Variants in IGF2BP1 observed in about 807,000 individuals in gnomAD.
IGF2BP1 encodes insulin like growth factor 2 mRNA binding protein 1.
In IGF2BP1, 11 loss-of-function variants were observed where a neutral mutation model predicts 74.9. That is an observed-to-expected ratio of 0.15 (90% CI 0.09 to 0.24). IGF2BP1 has a LOEUF of 0.24. IGF2BP1 is among the 10% of genes least tolerant of loss of function. The pLI is 1.00. For synonymous variants in IGF2BP1, 287 were observed against 281.8 expected (o/e 1.02, Z -0.18); for missense variants, 440 against 757.4 (o/e 0.58, Z 4.92).
chr17:49,041,630 G>A, intron 8 of IGF2BP1, 130 bp downstream of exon 8: 1 of 1,236,648 alleles, frequency 8.1e-7, no homozygotes, highest in Non-Finnish European at 1.1e-6. Context: ...AAGAAAAACA[G>A]TCGAAGTGGT....
intron 2 of IGF2BP1, among the ~76,000 whole-genome samples, chr17:49,000,826 C>T (rs2041480306): frequency 1.3e-5 from 2 of 151,656 alleles, no homozygotes; most frequent in South Asian, 4.2e-4. Context: ...AATCTTTTTC[C>T]CCAAGCCATC....
intron 2 of IGF2BP1, chr17:49,004,995 T>C (rs2041532977): frequency 6.6e-6 from 1 of 152,200 alleles, no homozygotes; most frequent in Admixed American, 6.5e-5. Context: ...TTCATTCTAC[T>C]AGGAGAACTT....
chr17:49,019,925 TA>T (rs2041760896), intron 2 of IGF2BP1, among the ~76,000 whole-genome samples: 1 of 60,628 alleles, frequency 1.6e-5, no homozygotes, highest in Non-Finnish European at 3.1e-5. Flanking sequence ...TATATATATA[TA>T]TATATATATA....
At chr17:49,026,261 T>C in intron 3 of IGF2BP1, 1 of 499,622 alleles carries the variant, frequency 2.0e-6, no homozygotes, top group East Asian at 3.2e-5. Flanking sequence ...AAAAGGCCCT[T>C]AAGGCAGAAC....
rs554854223 is a variant in IGF2BP1 at position 49,052,297 on chromosome 17, T to G, written c.*2853T>G. The G allele has an allele frequency of 6.6e-6, 1 of 152,170 alleles. No homozygotes were observed. The highest frequency in any genetic ancestry group is 6.5e-5 in the Admixed American group (1 of 15,270). 9.4% of individuals were successfully genotyped at this position (152,170 alleles called of 1,614,324 possible). The stretch of plus-strand genomic sequence containing the variant: ...TTCAGACGTCGGCCATTTAGTAATT[T>G]AAAGCGAATTTCCAGCAGCAAGCAT... On this transcript the variant is annotated 3_prime_UTR_variant, in exon 15 of 15. Transcript: ENST00000290341.
rs1449612608 is a variant in IGF2BP1 at position 49,039,434 on chromosome 17, A to C, written c.684-523A>C. On this transcript the variant is annotated intron_variant, in intron 6 of 14. Coordinates refer to ENST00000290341, the MANE Select transcript of IGF2BP1 (RefSeq NM_006546.4). ...ACTGCTTGCTTATTTATTTATTTTTATTTTATTTTTTGAGGCAGAGTCTCA... is the reference window on the plus strand; with the variant it reads ...ACTGCTTGCTTATTTATTTATTTTTCTTTTATTTTTTGAGGCAGAGTCTCA... Among the ~76,000 whole-genome samples, 5 of 150,980 alleles carry C rather than the reference A, an allele frequency of 3.3e-5. No individual in the cohort carries two copies. In the East Asian group the frequency reaches 9.8e-4, roughly 30 times the overall value.
chr17:49,010,451 G>A (rs1404837111), intron 2 of IGF2BP1, among the ~76,000 whole-genome samples: 1 of 151,358 alleles, frequency 6.6e-6, no homozygotes, highest in Non-Finnish European at 1.5e-5. Flanking sequence ...CCGAGAAGCT[G>A]GGACTACAGG....
At chr17:49,036,626 C>G (rs948762043) in intron 5 of IGF2BP1, 1 of 152,072 alleles carries the variant, frequency 6.6e-6, no homozygotes, top group Non-Finnish European at 1.5e-5. Flanking sequence ...AATTTAACAA[C>G]TCTCTGATGG....
At chr17:49,037,479 T>C (rs2042003583) in intron 5 of IGF2BP1, 1 of 240,436 alleles carries the variant, frequency 4.2e-6, no homozygotes. Flanking sequence ...TTCATGGAAG[T>C]CATTTATAGT....
chr17:49,033,465 C>T (rs955633115), intron 5 of IGF2BP1, among the ~76,000 whole-genome samples: 2 of 151,922 alleles, frequency 1.3e-5, no homozygotes, highest in African/African-American at 2.4e-5. Context: ...CCTCAGTCTC[C>T]TGAGTAGCTG....
intron 6 of IGF2BP1, among the ~76,000 whole-genome samples, chr17:49,038,878 T>C (rs868629079): frequency 0.17 from 24,338 of 142,726 alleles, 2,593 homozygotes; most frequent in African/African-American, 0.23. Context: ...TCTTTAATAT[T>C]TTTTTTTTTT....
Position 49,038,431 on chromosome 17 carries a change from CA to C in IGF2BP1, c.669del (p.Lys223AsnfsTer7). On this transcript the variant is annotated frameshift_variant, in exon 6 of 15. Coordinates refer to ENST00000290341, the MANE Select transcript of IGF2BP1 (RefSeq NM_006546.4). LOFTEE classifies it high-confidence loss of function. Reference sequence around the variant, plus strand: ...GAGGGGGCCACCATCCGCAACATCACAAAACAGACCCAGTCCAAGTGAGTCT... The same window carrying C: ...GAGGGGGCCACCATCCGCAACATCACAAACAGACCCAGTCCAAGTGAGTCT... ...GKEGATIRNI[T>X]KQTQSKIDVH... 1.3e-6 allele frequency: 2 copies of C among 1,545,990 alleles called. No homozygotes were observed. The highest frequency in any genetic ancestry group is 2.4e-5 in the East Asian group (1 of 42,294).
intron 5 of IGF2BP1, 33 bp downstream of exon 5, chr17:49,032,006 TG>T (rs34685424): frequency 0.27 from 227,951 of 857,994 alleles, 22,709 homozygotes; most frequent in African/African-American, 0.39. Flanking sequence ...CTGGGTGCGG[TG>T]GGGGGGGGTT....
At chr17:49,040,738 C>T (rs571779818) in intron 7 of IGF2BP1, among the ~76,000 whole-genome samples, 6 of 152,234 alleles carry the variant, frequency 3.9e-5, no homozygotes, top group South Asian at 4.2e-4. Flanking sequence ...ATGGACAGAC[C>T]GCATTATTTT....
intron 2 of IGF2BP1, chr17:49,018,005 C>T (rs1249880457): frequency 1.3e-5 from 2 of 152,206 alleles, no homozygotes; most frequent in African/African-American, 4.8e-5. Flanking sequence ...TCAGGTGATC[C>T]ACCCACCTCG....
chr17:49,012,044 T>TA lies in IGF2BP1; in HGVS notation c.236+12876dup, dbSNP rs1555596146. 5.3e-5 allele frequency among the ~76,000 whole-genome samples: 8 copies of TA among 151,994 alleles called. No homozygotes were observed. In the East Asian group the frequency reaches 5.8e-4, roughly 11 times the overall value. ...CTCCTGCCTTAGCCTCCTGAGTAGA[T>TA]ACAGGCATGTGCCACCACACCTGGC... On this transcript the variant is annotated intron_variant, in intron 2 of 14. Transcript: ENST00000290341.
At chr17:49,041,872 C>T (rs1236640512) in intron 8 of IGF2BP1, among the ~76,000 whole-genome samples, 2 of 152,174 alleles carry the variant, frequency 1.3e-5, no homozygotes, top group African/African-American at 2.4e-5. Context: ...GTGGGCTGCT[C>T]CTGCAAGCAG....
At chr17:49,002,343 T>C (rs1362424071) in intron 2 of IGF2BP1, among the ~76,000 whole-genome samples, 5 of 152,156 alleles carry the variant, frequency 3.3e-5, no homozygotes, top group African/African-American at 7.2e-5. Context: ...ATTTTAACAA[T>C]GATTTGTTGA....
intron 8 of IGF2BP1, 144 bp downstream of exon 8, chr17:49,041,644 G>A (rs1460824432): frequency 1.7e-6 from 2 of 1,151,238 alleles, no homozygotes; most frequent in Non-Finnish European, 2.5e-6. Context: ...AAGTGGTAAA[G>A]AGCATTTAAA....
Sources: allele counts gnomAD v4.1 joint callset (sites outside exome capture counted in the v4.1 genomes callset), GRCh38; gene constraint gnomAD v4.1.1; transcripts MANE v1.5; gene names NCBI Gene and HGNC (gene_info 2026-07-23, HGNC 2026-07-21).